The following STK32B variants were observed in gnomAD, a reference collection of about 807,000 sequenced individuals.
STK32B encodes serine/threonine-protein kinase 32B.
In STK32B, 43 loss-of-function variants were observed where a neutral mutation model predicts 52.6. The ratio of observed to expected loss-of-function variants is 0.82; its 90% CI spans 0.64 to 1.05. The LOEUF is 1.05. STK32B is among the 50% of genes least tolerant of loss of function. The probability of loss-of-function intolerance (pLI) is 0.00; values close to 1 mark genes in which losing one functional copy is unlikely to be tolerated. For synonymous variants in STK32B, 238 were observed against 204.3 expected, an observed-to-expected ratio of 1.17 and a Z score of -1.41; for missense variants, 621 against 534.6, an observed-to-expected ratio of 1.16 and a Z score of -1.59.
At chr4:5,154,950 G>C (rs1411306053) in intron 2 of STK32B, among the ~76,000 whole-genome samples, 4 of 152,220 alleles carry the variant, frequency 2.6e-5, no homozygotes, top group East Asian at 1.9e-4. Context: ...ATATGTGCCA[G>C]TCCCTCCATG....
chr4:5,250,602 C>T lies in STK32B; in HGVS notation c.261-80618C>T, dbSNP rs145047609. Among the ~76,000 whole-genome samples the T allele has an allele frequency of 4.9e-3, 742 of 152,220 alleles. 3 individuals carry two copies. The highest frequency in any genetic ancestry group is 0.015 in the African/African-American group (637 of 41,540). On this transcript the variant is annotated intron_variant, in intron 3 of 11. Transcript: ENST00000282908. Reference sequence around the variant, plus strand: ...TGCTAGGATTACAGGCGTGAGCCACCGTGCCCAGCTGTTTTAAGTTCTTTA... The same window carrying T: ...TGCTAGGATTACAGGCGTGAGCCACTGTGCCCAGCTGTTTTAAGTTCTTTA...
At chr4:5,295,491 T>C (rs961848198) in intron 3 of STK32B, among the ~76,000 whole-genome samples, 1 of 152,156 alleles carries the variant, frequency 6.6e-6, no homozygotes, top group South Asian at 2.1e-4. Context: ...TCCTTCCTTG[T>C]TTTGTCTTGG....
At chr4:5,410,256 G>A (rs1315623358) in intron 5 of STK32B, among the ~76,000 whole-genome samples, 1 of 152,182 alleles carries the variant, frequency 6.6e-6, no homozygotes, top group African/African-American at 2.4e-5. Context: ...ATCTCTTTTG[G>A]GCTTCAGCTG....
intron 4 of STK32B, chr4:5,345,477 T>C (rs1329348861): frequency 6.6e-6 from 1 of 152,212 alleles, no homozygotes; most frequent in Non-Finnish European, 1.5e-5. Context: ...AATATGTTTT[T>C]GGAAATTAGA....
intron 11 of STK32B, among the ~76,000 whole-genome samples, chr4:5,489,453 A>G (rs2108721440): frequency 6.6e-6 from 1 of 152,312 alleles, no homozygotes; most frequent in South Asian, 2.1e-4. Context: ...AATTGCAGGA[A>G]GATCATTTTG....
rs113679629 is a variant in STK32B, at chr4:5,379,958, A to G, written c.435-18249A>G. ...TAGCGATGACTGCCAAGCTGGGAAC[A>G]GTTCAGAGCAGCTTAAGGCTATGGC... On this transcript the variant is annotated intron_variant, in intron 4 of 11. Coordinates refer to ENST00000282908, the MANE Select transcript of STK32B (RefSeq NM_018401.3). Among the ~76,000 whole-genome samples, 865 of 152,312 alleles carry G rather than the reference A, an allele frequency of 5.7e-3. 5 individuals are homozygous for G. Among genetic ancestry groups the G allele is most frequent in the Non-Finnish European group, 9.3e-3 (635 of 68,044 alleles).
intron 3 of STK32B, among the ~76,000 whole-genome samples, chr4:5,216,105 CAG>C (rs1723167058): frequency 6.6e-6 from 1 of 152,176 alleles, no homozygotes; most frequent in Non-Finnish European, 1.5e-5. Context: ...TCTCAAACCT[CAG>C]TGTGCATGAG....
chr4:5,446,106 A>G (rs6822930), intron 6 of STK32B, among the ~76,000 whole-genome samples: 18,527 of 152,166 alleles, frequency 0.12, 1,604 homozygotes, highest in East Asian at 0.47. Context: ...CGCCAAGTGG[A>G]CGGCCCTTCC....
At position 5,499,217 on chromosome 4, in the gene STK32B, TG is replaced by T; in HGVS notation, c.*137del. ...GCAGAAAAAGCCCTGGACTTGGAGC[TG>T]GGAAGCCTGGGTTCTGGTCCCATCT... On this transcript the variant is annotated 3_prime_UTR_variant, in exon 12 of 12. Transcript: ENST00000282908. 7.8e-7 allele frequency: 1 copy of T among 1,284,994 alleles called. No individual in the cohort carries two copies. Among genetic ancestry groups the T allele is most frequent in the Non-Finnish European group, 1.0e-6 (1 of 968,282 alleles). 79.6% of individuals were successfully genotyped at this position (1,284,994 alleles called of 1,614,324 possible). A position where few individuals can be genotyped will look rare whatever the true frequency, so the allele number is the denominator to read the frequency against.
Position 5,394,791 on chromosome 4 carries a change from A to G in STK32B, c.435-3416A>G, listed in dbSNP as rs78795826. 0.011 allele frequency among the ~76,000 whole-genome samples: 1,665 copies of G among 152,354 alleles called. 26 individuals carry two copies. Among genetic ancestry groups the G allele is most frequent in the African/African-American group, 0.038 (1,579 of 41,582 alleles). ...TCCCATTTCCCAAATGAGGAAAACA[A>G]GGCTGAGAGTAAGTGGCCCAAGATC... is the stretch of plus-strand genomic sequence containing the variant. On this transcript the variant is annotated intron_variant, in intron 4 of 11. Coordinates refer to ENST00000282908, the MANE Select transcript of STK32B (RefSeq NM_018401.3). The surrounding 1 kb of genome is among the most constrained non-coding windows in gnomAD (Gnocchi z 4.2).
chr4:5,049,200 T>TC (rs1741672052), upstream of STK32B, among the ~76,000 whole-genome samples: 15 of 151,678 alleles, frequency 9.9e-5, no homozygotes, highest in South Asian at 2.7e-3. Flanking sequence ...TCTTTTCTTT[T>TC]GTTTTTTTTT....
At chr4:5,350,558 TAAAC>T (rs901811011) in intron 4 of STK32B, among the ~76,000 whole-genome samples, 2 of 151,802 alleles carry the variant, frequency 1.3e-5, no homozygotes, top group African/African-American at 4.8e-5. Context: ...AACGCAATGA[TAAAC>T]AATAAAATAG....
rs751060581 is a variant in STK32B, at chr4:5,168,387, G to A, written c.197G>A (p.Arg66Gln). ...KQKCIERDEV[R>Q]NVFRELQIMQ... The stretch of plus-strand genomic sequence containing the variant: ...AAGTGCATCGAGAGGGATGAGGTTC[G>A]GAATGTTTTCCGGGAGCTGCAGATC... The change falls in exon 3 of 12, where the codon CGG becomes CAG. Residue 66 changes from arginine to glutamine, a missense_variant. Arg to Gln is a conservative substitution (Grantham distance 43, BLOSUM62 1). Coordinates refer to ENST00000282908, the MANE Select transcript of STK32B (RefSeq NM_018401.3). 32 of 1,613,736 alleles carry A rather than the reference G, an allele frequency of 2.0e-5. No individual in the cohort carries two copies. The highest frequency in any genetic ancestry group is 1.1e-4 in the East Asian group (5 of 44,812).
chr4:5,250,279 A>G (rs527891762), intron 3 of STK32B, among the ~76,000 whole-genome samples: 1 of 149,794 alleles, frequency 6.7e-6, no homozygotes, highest in East Asian at 2.0e-4. Flanking sequence ...AGGTAGAATT[A>G]GTGGAATGAA....
At chr4:5,484,899 G>T (rs1719020166) in intron 11 of STK32B, among the ~76,000 whole-genome samples, 1 of 152,154 alleles carries the variant, frequency 6.6e-6, no homozygotes, top group African/African-American at 2.4e-5. Context: ...TTTTCTTTAA[G>T]AATGTTGATT....
chr4:5,040,679 C>T, the STK32B span, among the ~76,000 whole-genome samples: 39 of 152,214 alleles, frequency 2.6e-4, no homozygotes, highest in Non-Finnish European at 3.2e-4. Context: ...GGTGCCACTG[C>T]GCCCGGCCAA....
intron 1 of STK32B, among the ~76,000 whole-genome samples, chr4:5,119,759 A>T (rs1714923904): frequency 6.6e-6 from 1 of 152,262 alleles, no homozygotes; most frequent in Admixed American, 6.5e-5. Flanking sequence ...ATCATATGTG[A>T]GCGACCTAAA....
At chr4:5,465,273 C>T (rs1405208159) in intron 9 of STK32B, among the ~76,000 whole-genome samples, 1 of 152,134 alleles carries the variant, frequency 6.6e-6, no homozygotes, top group African/African-American at 2.4e-5. Context: ...TCATGTCAGC[C>T]TCACAGACTT....
intron 3 of STK32B, among the ~76,000 whole-genome samples, chr4:5,198,303 C>G (rs1216077498): frequency 6.6e-6 from 1 of 152,206 alleles, no homozygotes; most frequent in Admixed American, 6.5e-5. Flanking sequence ...ATTTATACCA[C>G]TTGACACGCC....
Sources: gnomAD v4.1 joint callset for allele counts (sites outside exome capture counted in the v4.1 genomes callset) on GRCh38, gnomAD v4.1.1 for gene constraint, Gnocchi (gnomAD v3.1) non-coding constraint, MANE v1.5 for transcripts, NCBI Gene and HGNC (gene_info 2026-07-23, HGNC 2026-07-21) for gene names.